The following ITGB3BP variants were observed in gnomAD, a reference collection of about 807,000 sequenced individuals.
ITGB3BP encodes the protein centromere protein R.
A neutral mutation model predicts 29.1 loss-of-function variants in ITGB3BP; 27 were observed. The ratio of observed to expected loss-of-function variants is 0.93; its 90% CI spans 0.68 to 1.28. The LOEUF (loss-of-function observed/expected upper bound fraction) is 1.28. ITGB3BP is among the 50% of genes most tolerant of loss of function. The probability of loss-of-function intolerance (pLI) is 0.00; values close to 1 mark genes in which losing one functional copy is unlikely to be tolerated. For synonymous variants in ITGB3BP, 61 were observed against 61.4 expected (o/e 0.99, Z 0.03); for missense variants, 192 against 200.2 (o/e 0.96, Z 0.25).
chr1:63,446,840 G>A lies in ITGB3BP; in HGVS notation c.501C>T (p.Asp167=), dbSNP rs201084126. ...AAATGGCTTTAAGGAATTCATAGCT[G>A]TCAAGATGACGTGATGCTATATGAA... ...GLPHKASRHL[D]SYEFLKAILN Residue 167 remains aspartate (D), a synonymous_variant, in exon 8 of 9, where the codon GAC becomes GAT. Transcript: ENST00000271002. 6.2e-7 allele frequency: 1 copy of A among 1,610,602 alleles called. No individual in the cohort carries two copies. The highest frequency in any genetic ancestry group is 8.5e-7 in the Non-Finnish European group (1 of 1,177,338).
In ITGB3BP at chr1:63,456,174, AAAAAT is replaced by A. The variant is rs1644933688; in HGVS notation, c.255-1211_255-1207del. On this transcript the variant is annotated intron_variant, in intron 4 of 8. Transcript: ENST00000271002. ...GTTAGTCATTGACATTTTTGTTATTAAAAATAAGACAAATATGTTAAAATTTTGAT... is the reference window on the plus strand; with the variant it reads ...GTTAGTCATTGACATTTTTGTTATTAAAGACAAATATGTTAAAATTTTGAT... 2.0e-5 allele frequency among the ~76,000 whole-genome samples: 3 copies of A among 152,270 alleles called. No homozygotes were observed. In the South Asian group the frequency reaches 6.2e-4, roughly 32 times the overall value.
chr1:63,504,751 C>T (rs1214020318), intron 2 of ITGB3BP, among the ~76,000 whole-genome samples: 1 of 152,002 alleles, frequency 6.6e-6, no homozygotes, highest in Non-Finnish European at 1.5e-5. Context: ...AGGCCTTTTC[C>T]ACATCTATTG....
At chr1:63,480,646 CA>C (rs1394874157) in intron 3 of ITGB3BP, among the ~76,000 whole-genome samples, 1 of 151,334 alleles carries the variant, frequency 6.6e-6, no homozygotes, top group Non-Finnish European at 1.5e-5. Flanking sequence ...AAAAACAAAA[CA>C]AAAAAAACCC....
chr1:63,523,029 C>A, intron 1 of ITGB3BP, 100 bp downstream of exon 1: 8 of 1,453,810 alleles, frequency 5.5e-6, no homozygotes, highest in Non-Finnish European at 7.7e-6. Context: ...GTTCATACTC[C>A]GAAAAAATAG....
At chr1:63,492,745 A>C (rs1357498518) in intron 2 of ITGB3BP, among the ~76,000 whole-genome samples, 2 of 152,068 alleles carry the variant, frequency 1.3e-5, no homozygotes, top group African/African-American at 4.8e-5. Context: ...GCTAGAAAAA[A>C]GCAAGGACTC....
intron 4 of ITGB3BP, among the ~76,000 whole-genome samples, chr1:63,471,323 T>C (rs999423636): frequency 2.1e-5 from 3 of 145,816 alleles, no homozygotes; most frequent in Non-Finnish European, 3.0e-5. Context: ...AGTGCAGTGG[T>C]GGCACGATCT....
chr1:63,509,950 T>G (rs1052969719), intron 1 of ITGB3BP: 1 of 398,740 alleles, frequency 2.5e-6, no homozygotes, highest in African/African-American at 2.1e-5. Flanking sequence ...CTCAGTACTT[T>G]GGAAGGCTGA....
intron 2 of ITGB3BP, among the ~76,000 whole-genome samples, chr1:63,502,659 C>G (rs1200305268): frequency 1.4e-5 from 2 of 146,342 alleles, no homozygotes; most frequent in Non-Finnish European, 1.5e-5. Context: ...TGCTATCCCT[C>G]TCCCCTCCCC....
At chr1:63,445,228 G>C (rs2100466898) in intron 8 of ITGB3BP, among the ~76,000 whole-genome samples, 1 of 152,268 alleles carries the variant, frequency 6.6e-6, no homozygotes. Context: ...GGAGGTTTCA[G>C]TGAGCCGAGA....
chr1:63,495,287 C>T (rs141813782), intron 2 of ITGB3BP, among the ~76,000 whole-genome samples: 23 of 152,168 alleles, frequency 1.5e-4, no homozygotes, highest in Admixed American at 3.9e-4. Flanking sequence ...TATTTTAAAA[C>T]GTTTAACAAA....
upstream of ITGB3BP, chr1:63,525,657 C>G (rs150959222): frequency 1.5e-4 from 245 of 1,601,780 alleles, 1 homozygote; most frequent in African/African-American, 3.1e-3. Context: ...GAAATTTCCA[C>G]TAACTGAAGA....
chr1:63,504,312 T>C (rs1646017834), intron 2 of ITGB3BP, among the ~76,000 whole-genome samples: 1 of 151,930 alleles, frequency 6.6e-6, no homozygotes, highest in South Asian at 2.1e-4. Context: ...TGGCTCTGTT[T>C]GTCTGTTATT....
chr1:63,520,432 A>G (rs916243818), intron 1 of ITGB3BP, among the ~76,000 whole-genome samples: 14 of 152,190 alleles, frequency 9.2e-5, no homozygotes, highest in Admixed American at 7.8e-4. Context: ...GTACACAGAA[A>G]GAGGAGCAAG....
At chr1:63,519,486 T>C (rs933579884) in intron 1 of ITGB3BP, among the ~76,000 whole-genome samples, 1 of 152,120 alleles carries the variant, frequency 6.6e-6, no homozygotes, top group African/African-American at 2.4e-5. Flanking sequence ...GGCTCTATTA[T>C]ACCTTCCTCT....
At chr1:63,461,269 A>T (rs185920276) in intron 4 of ITGB3BP, among the ~76,000 whole-genome samples, 2,527 of 150,696 alleles carry the variant, frequency 0.017, 84 homozygotes, top group African/African-American at 0.059. Context: ...AAAAAAAAAA[A>T]AAAAAAAAAA....
At chr1:63,446,703 G>T in intron 8 of ITGB3BP, 103 bp downstream of exon 8, 1 of 826,334 alleles carries the variant, frequency 1.2e-6, no homozygotes, top group Non-Finnish European at 2.0e-6. Context: ...TTTCTTACAG[G>T]AAGACAATAC....
chr1:63,469,969 A>T (rs1645168407), intron 4 of ITGB3BP, among the ~76,000 whole-genome samples: 1 of 152,252 alleles, frequency 6.6e-6, no homozygotes, highest in Non-Finnish European at 1.5e-5. Context: ...AAAACCACTT[A>T]AAGGCATTCT....
At chr1:63,498,862 G>A (rs1177666424) in intron 2 of ITGB3BP, among the ~76,000 whole-genome samples, 2 of 151,774 alleles carry the variant, frequency 1.3e-5, no homozygotes, top group Non-Finnish European at 2.9e-5. Context: ...AAGGAAGGAA[G>A]GGATGGGGAG....
intron 2 of ITGB3BP, among the ~76,000 whole-genome samples, chr1:63,496,166 C>T (rs1194014352): frequency 6.6e-6 from 1 of 151,486 alleles, no homozygotes; most frequent in Non-Finnish European, 1.5e-5. Context: ...GATCACGGCT[C>T]ACTGCAACGT....
Sources: gnomAD v4.1 joint callset for allele counts (sites outside exome capture counted in the v4.1 genomes callset) on GRCh38, gnomAD v4.1.1 for gene constraint, MANE v1.5 for transcripts, NCBI Gene and HGNC (gene_info 2026-07-23, HGNC 2026-07-21) for gene names.